JAKMIP1: variants seen among roughly 807,000 people sequenced by gnomAD.
JAKMIP1 encodes the protein janus kinase and microtubule-interacting protein 1.
JAKMIP1 carries 33 observed loss-of-function variants against 113.0 expected under a neutral mutation model. The ratio of observed to expected loss-of-function variants is 0.29; its 90% CI spans 0.22 to 0.39. The LOEUF is 0.39. Ranked by LOEUF, JAKMIP1 falls within the 10% of genes least tolerant of loss-of-function variation. The pLI, the probability that JAKMIP1 is intolerant of heterozygous loss-of-function variation, is 1.00. For synonymous variants in JAKMIP1, 480 were observed against 459.9 expected, an observed-to-expected ratio of 1.04 and a Z score of -0.56; for missense variants, 813 against 1,080.5, an observed-to-expected ratio of 0.75 and a Z score of 3.47.
rs4234720 is a variant in JAKMIP1, at chr4:6,067,196, A to G, written c.1303-2188T>C. Among the ~76,000 whole-genome samples, 133,336 of 152,176 alleles carry G rather than the reference A, an allele frequency of 0.88. 58,996 individuals are homozygous for G. The highest frequency in any genetic ancestry group is 1 in the East Asian group (5,167 of 5,168). On this transcript the variant is annotated intron_variant, in intron 8 of 20. Transcript: ENST00000409021. The surrounding 1 kb of genome is among the most constrained non-coding windows in gnomAD (Gnocchi z 4.6). ...CCCTTGAAATGGAAGCTCCATGAAG[A>G]CAGGGGGTTGGCCCTTTTGTTCTCG...
chr4:6,058,056 G>C (rs527842955), intron 11 of JAKMIP1, among the ~76,000 whole-genome samples: 16 of 152,242 alleles, frequency 1.1e-4, no homozygotes, highest in Non-Finnish European at 2.2e-4. Context: ...AGCGTCCCAG[G>C]TACCAGCACT....
intron 19 of JAKMIP1, among the ~76,000 whole-genome samples, chr4:6,035,553 T>A (rs1326561643): frequency 6.6e-6 from 1 of 152,010 alleles, no homozygotes; most frequent in Non-Finnish European, 1.5e-5. Flanking sequence ...TGAGCCGCCA[T>A]CACAAAAGGT....
chr4:6,052,305 T>C (rs1176894527), intron 13 of JAKMIP1, among the ~76,000 whole-genome samples: 12 of 151,990 alleles, frequency 7.9e-5, no homozygotes, highest in Non-Finnish European at 1.6e-4. Flanking sequence ...TTAAATGGCG[T>C]CCCCATAGAA....
intron 20 of JAKMIP1, among the ~76,000 whole-genome samples, chr4:6,027,726 A>T (rs905189491): frequency 6.6e-6 from 1 of 152,236 alleles, no homozygotes; most frequent in Non-Finnish European, 1.5e-5. Flanking sequence ...AAAGAGTCGA[A>T]AAAAGAGCCA....
Position 6,155,275 on chromosome 4 carries a change from G to T in JAKMIP1, c.-147-42278C>A, listed in dbSNP as rs914953184. On this transcript the variant is annotated intron_variant, in intron 1 of 20. Coordinates refer to ENST00000409021, the MANE Select transcript of JAKMIP1 (RefSeq NM_001099433.2). The surrounding 1 kb of genome is among the most constrained non-coding windows in gnomAD (Gnocchi z 6.1). ...CAACATTCCCTCCTCTGCGCTCAACGCCTTTTAATACCAGCAACCACCACT... is the reference window on the plus strand; with the variant it reads ...CAACATTCCCTCCTCTGCGCTCAACTCCTTTTAATACCAGCAACCACCACT... Among the ~76,000 whole-genome samples the T allele has an allele frequency of 2.0e-5, 3 of 152,082 alleles. No individual in the cohort carries two copies. Among genetic ancestry groups the T allele is most frequent in the African/African-American group, 7.2e-5 (3 of 41,400 alleles).
intron 1 of JAKMIP1, among the ~76,000 whole-genome samples, chr4:6,125,032 C>T (rs920880046): frequency 1.6e-4 from 25 of 152,152 alleles, no homozygotes; most frequent in African/African-American, 5.8e-4. Flanking sequence ...GAGAGGAGAA[C>T]CTGCCTCTTC....
chr4:6,046,174 G>A (rs76365834), intron 16 of JAKMIP1, among the ~76,000 whole-genome samples: 3,796 of 152,308 alleles, frequency 0.025, 73 homozygotes, highest in South Asian at 0.085. Flanking sequence ...CAGACTGTCA[G>A]TCCCCTAGTG....
In JAKMIP1 at chr4:6,040,750, G is replaced by A. The variant is rs755062723; in HGVS notation, c.2098-34C>T. On this transcript the variant is annotated intron_variant, in intron 17 of 20. Transcript: ENST00000409021. This position sits in a 1 kb window ranked among gnomAD's most constrained non-coding sequence, Gnocchi z 5.8. ...GAGGGAGGCGCCATCAGGGACCAGC[G>A]TCAGAACAGGAATCCATGACAGCTT... The A allele has an allele frequency of 4.0e-5, 62 of 1,548,544 alleles. 1 individual carries two copies. Among genetic ancestry groups the A allele is most frequent in the South Asian group, 1.1e-4 (10 of 88,632 alleles).
At chr4:6,133,940 G>C (rs568924745) in intron 1 of JAKMIP1, among the ~76,000 whole-genome samples, 3 of 152,206 alleles carry the variant, frequency 2.0e-5, no homozygotes, top group Non-Finnish European at 4.4e-5. Flanking sequence ...CTGGATCCCT[G>C]AATCACCCAC....
intron 3 of JAKMIP1, among the ~76,000 whole-genome samples, chr4:6,087,487 C>T (rs1280600692): frequency 3.9e-5 from 6 of 151,942 alleles, no homozygotes; most frequent in East Asian, 1.9e-4. Context: ...CTAGGTAACA[C>T]GAGGCTATTT....
In JAKMIP1 at chr4:6,155,423, G is replaced by A. The variant is rs1722116251; in HGVS notation, c.-147-42426C>T. Among the ~76,000 whole-genome samples the A allele has an allele frequency of 6.6e-6, 1 of 152,190 alleles. No individual in the cohort carries two copies. The highest frequency in any genetic ancestry group is 1.5e-5 in the Non-Finnish European group (1 of 68,036). On this transcript the variant is annotated intron_variant, in intron 1 of 20. Coordinates refer to ENST00000409021, the MANE Select transcript of JAKMIP1 (RefSeq NM_001099433.2). This position sits in a 1 kb window ranked among gnomAD's most constrained non-coding sequence, Gnocchi z 6.1. ...GGTATTCTAGAGATTTAAAAAGTAT[G>A]GAAAGGCTAAAACACTTGTCCAAAA...
Position 6,081,242 on chromosome 4 carries a change from G to T in JAKMIP1, c.1101+367C>A, listed in dbSNP as rs1049219943. 6.6e-6 allele frequency among the ~76,000 whole-genome samples: 1 copy of T among 152,336 alleles called. No individual in the cohort carries two copies. The highest frequency in any genetic ancestry group is 2.1e-4 in the South Asian group (1 of 4,822). Reference sequence around the variant, plus strand: ...ATCATTGTAACAGCTTTCACTTGCTGGGTGTCCTCTGGGCCCGTTCCCTGT... The same window carrying T: ...ATCATTGTAACAGCTTTCACTTGCTTGGTGTCCTCTGGGCCCGTTCCCTGT... On this transcript the variant is annotated intron_variant, in intron 6 of 20. Transcript: ENST00000409021. This position sits in a 1 kb window ranked among gnomAD's most constrained non-coding sequence, Gnocchi z 4.6.
At position 6,137,484 on chromosome 4, in the gene JAKMIP1, G is replaced by A. The variant is rs1056899273; in HGVS notation, c.-147-24487C>T. 3.9e-5 allele frequency among the ~76,000 whole-genome samples: 6 copies of A among 152,190 alleles called. No individual in the cohort carries two copies. The highest frequency in any genetic ancestry group is 9.7e-5 in the African/African-American group (4 of 41,448). On this transcript the variant is annotated intron_variant, in intron 1 of 20. Transcript: ENST00000409021. This position sits in a 1 kb window ranked among gnomAD's most constrained non-coding sequence, Gnocchi z 4.5. The stretch of plus-strand genomic sequence containing the variant: ...TCTCACACCCTGGGTGACAGCAGAC[G>A]TGCTAAGTAGGAACCCCCTTCAAGT...
rs1714271552 is a variant in JAKMIP1 at position 6,108,092 on chromosome 4, G to A, written c.130-2125C>T. ...TCCTGGGAGGGGCAGAGGTGCTGCT[G>A]AGGCTGGTGATCCAGGTGTGTAGGG... On this transcript the variant is annotated intron_variant, in intron 2 of 20. Transcript: ENST00000409021. The surrounding 1 kb of genome is among the most constrained non-coding windows in gnomAD (Gnocchi z 5.6). Among the ~76,000 whole-genome samples, 2 of 152,296 alleles carry A rather than the reference G, an allele frequency of 1.3e-5. No individual in the cohort carries two copies. Among genetic ancestry groups the A allele is most frequent in the South Asian group, 4.2e-4 (2 of 4,812 alleles).
rs901440549 is a variant in JAKMIP1, at chr4:6,198,318, G to C, written c.-148+1935C>G. 5.3e-5 allele frequency among the ~76,000 whole-genome samples: 8 copies of C among 152,226 alleles called. No homozygotes were observed. The East Asian group carries it at 5.8e-4, about 11-fold the overall frequency. ...AGGGAGGGGAGCATTGTTTTAGACG[G>C]GGGGAAAAAGAAGCATGTGGGGGAA... On this transcript the variant is annotated intron_variant, in intron 1 of 20. Coordinates refer to ENST00000409021, the MANE Select transcript of JAKMIP1 (RefSeq NM_001099433.2).
rs1488820527 is a variant in JAKMIP1 at position 6,067,714 on chromosome 4, C to T, written c.1303-2706G>A. 6.6e-6 allele frequency among the ~76,000 whole-genome samples: 1 copy of T among 150,602 alleles called. No homozygotes were observed. Among genetic ancestry groups the T allele is most frequent in the Non-Finnish European group, 1.5e-5 (1 of 67,734 alleles). ...CTCTTCTGCACACACAGGTCACCCC[C>T]CTGAGCTCCACGTTCACTCAAGCTC... On this transcript the variant is annotated intron_variant, in intron 8 of 20. Transcript: ENST00000409021. This position sits in a 1 kb window ranked among gnomAD's most constrained non-coding sequence, Gnocchi z 4.6.
chr4:6,144,430 T>C (rs1213915748), intron 1 of JAKMIP1, among the ~76,000 whole-genome samples: 2 of 152,184 alleles, frequency 1.3e-5, no homozygotes, highest in East Asian at 1.9e-4. Flanking sequence ...AGATATCATA[T>C]GAAAACTACA....
At chr4:6,079,998 G>C (rs1370720619) in intron 7 of JAKMIP1, among the ~76,000 whole-genome samples, 174 bp downstream of exon 7, 1 of 152,234 alleles carries the variant, frequency 6.6e-6, no homozygotes, top group East Asian at 1.9e-4. Context: ...CTTAGTGGCA[G>C]AATGAAGCGG....
rs1187311688 is a variant in JAKMIP1, at chr4:6,185,412, C to T, written c.-148+14841G>A. Among the ~76,000 whole-genome samples, 3 of 152,044 alleles carry T rather than the reference C, an allele frequency of 2.0e-5. No homozygotes were observed. Among genetic ancestry groups the T allele is most frequent in the Non-Finnish European group, 4.4e-5 (3 of 68,018 alleles). The stretch of plus-strand genomic sequence containing the variant: ...CCTGTAATCCCAGCACTTTGGGAGG[C>T]CGAGGTGGGCGGATCATGAGGTCAG... On this transcript the variant is annotated intron_variant, in intron 1 of 20. Coordinates refer to ENST00000409021, the MANE Select transcript of JAKMIP1 (RefSeq NM_001099433.2). The surrounding 1 kb of genome is among the most constrained non-coding windows in gnomAD (Gnocchi z 5.3).
Sources: allele counts gnomAD v4.1 joint callset (sites outside exome capture counted in the v4.1 genomes callset), GRCh38; gene constraint gnomAD v4.1.1; non-coding constraint Gnocchi (gnomAD v3.1); transcripts MANE v1.5; gene names NCBI Gene and HGNC (gene_info 2026-07-23, HGNC 2026-07-21).